Variants in AOPEP observed in about 807,000 individuals in gnomAD.
AOPEP encodes the protein aminopeptidase O (putative).
AOPEP carries 77 observed loss-of-function variants against 98.1 expected under a neutral mutation model. The observed-to-expected ratio is 0.78, with a 90% CI of 0.65 to 0.95. The LOEUF (loss-of-function observed/expected upper bound fraction) is 0.95. Among genes scored for constraint, AOPEP ranks in the 40% least tolerant of loss-of-function variants. The pLI, the probability that AOPEP is intolerant of heterozygous loss-of-function variation, is 0.00. For missense variants in AOPEP, 1,024 were observed against 1,024.7 expected, an observed-to-expected ratio of 1.00 and a Z score of 0.01; for synonymous variants, 346 against 365.3, an observed-to-expected ratio of 0.95 and a Z score of 0.60.
intron 1 of AOPEP, among the ~76,000 whole-genome samples, chr9:94,741,274 T>A (rs1833006049): frequency 6.6e-6 from 1 of 151,916 alleles, no homozygotes; most frequent in African/African-American, 2.4e-5. Context: ...TTTATTTTTT[T>A]ATTTTTTTAT....
At chr9:95,143,806 C>CA in the AOPEP span, among the ~76,000 whole-genome samples, 23 of 152,204 alleles carry the variant, frequency 1.5e-4, no homozygotes, top group African/African-American at 5.5e-4. Context: ...AGGTTTTATG[C>CA]CGTCTTTAGC....
chr9:95,085,071 C>T, intron 16 of AOPEP: 1 of 361,320 alleles, frequency 2.8e-6, no homozygotes, highest in Non-Finnish European at 5.6e-6. Flanking sequence ...AGAAATTATA[C>T]CTCTAGGATG....
chr9:94,842,257 G>A (rs1030293926), intron 5 of AOPEP, among the ~76,000 whole-genome samples: 1 of 152,084 alleles, frequency 6.6e-6, no homozygotes, highest in Non-Finnish European at 1.5e-5. Context: ...AGCTACTCGG[G>A]AGGCTGAGGC....
chr9:94,894,218 A>C (rs1393061572), intron 5 of AOPEP, among the ~76,000 whole-genome samples: 1 of 152,230 alleles, frequency 6.6e-6, no homozygotes, highest in Non-Finnish European at 1.5e-5. Flanking sequence ...ATCAAAGCAG[A>C]TATGAATTAA....
At chr9:94,939,963 T>C (rs1324424856) in intron 7 of AOPEP, among the ~76,000 whole-genome samples, 1 of 152,220 alleles carries the variant, frequency 6.6e-6, no homozygotes, top group Non-Finnish European at 1.5e-5. Flanking sequence ...CAACTATATA[T>C]GAAACATAAA....
At chr9:94,730,437 A>G (rs558569000) in intron 1 of AOPEP, among the ~76,000 whole-genome samples, 19 of 152,150 alleles carry the variant, frequency 1.2e-4, no homozygotes, top group Non-Finnish European at 2.8e-4. Context: ...AGCAGTGATT[A>G]TTTCCACTTC....
chr9:95,041,444 GGGGTGTGTGTGTGTGTGT>G lies in AOPEP; in HGVS notation c.2116-19248_2116-19231del, dbSNP rs1292648958. ...GTATACTGTGTACTCAGAGTCCTTG[GGGGTGTGTGTGTGTGTGT>G]GTGTGTGTGTGTGTGTGTGGAGAGG... On this transcript the variant is annotated intron_variant, in intron 13 of 16. Transcript: ENST00000375315. 4.2e-5 allele frequency among the ~76,000 whole-genome samples: 6 copies of G among 144,412 alleles called. No individual in the cohort carries two copies. The East Asian group carries it at 8.2e-4, about 20-fold the overall frequency. 94.7% of individuals were successfully genotyped at this position (144,412 alleles called of 152,430 possible).
At chr9:95,138,818 T>C in the AOPEP span, among the ~76,000 whole-genome samples, 1 of 152,198 alleles carries the variant, frequency 6.6e-6, no homozygotes, top group Non-Finnish European at 1.5e-5. Flanking sequence ...GCATAGTCAC[T>C]CAAGCACACG....
At chr9:94,819,083 C>G (rs892309541) in intron 5 of AOPEP, among the ~76,000 whole-genome samples, 1 of 152,250 alleles carries the variant, frequency 6.6e-6, no homozygotes, top group African/African-American at 2.4e-5. Flanking sequence ...TTAAACTAGA[C>G]TATCCAAGCC....
chr9:94,843,839 A>T lies in AOPEP; in HGVS notation c.1364+42837A>T, dbSNP rs10121865. Among the ~76,000 whole-genome samples, 17 of 152,172 alleles carry T rather than the reference A, an allele frequency of 1.1e-4. No homozygotes were observed. The East Asian group carries it at 2.9e-3, about 26-fold the overall frequency. The stretch of plus-strand genomic sequence containing the variant: ...ACTTGACTTTTGGTTTCCCTCAAAT[A>T]TACCTTCCCATCATCTCATGTATGC... On this transcript the variant is annotated intron_variant, in intron 5 of 16. Coordinates refer to ENST00000375315, the MANE Select transcript of AOPEP (RefSeq NM_001193329.3).
chr9:94,779,447 A>C (rs1244425850), intron 3 of AOPEP, among the ~76,000 whole-genome samples: 1 of 152,102 alleles, frequency 6.6e-6, no homozygotes. Flanking sequence ...CTTGAGCATT[A>C]TTCTTCTTTT....
At chr9:94,774,464 A>G (rs947068075) in intron 3 of AOPEP, among the ~76,000 whole-genome samples, 1 of 152,082 alleles carries the variant, frequency 6.6e-6, no homozygotes, top group Non-Finnish European at 1.5e-5. Flanking sequence ...TAAAATCTAT[A>G]TGTTTTGTGC....
chr9:95,092,737 C>G, the AOPEP span, among the ~76,000 whole-genome samples: 1 of 152,128 alleles, frequency 6.6e-6, no homozygotes, highest in African/African-American at 2.4e-5. Context: ...GTCCTGAGTT[C>G]CAGAAAGTTC....
chr9:95,074,120 TG>T (rs1050696349), intron 14 of AOPEP, among the ~76,000 whole-genome samples: 2 of 152,186 alleles, frequency 1.3e-5, no homozygotes, highest in African/African-American at 4.8e-5. Context: ...CCAGTGCCTG[TG>T]TGTGTGCTTC....
chr9:94,734,869 C>T (rs147456960), intron 1 of AOPEP, among the ~76,000 whole-genome samples: 3 of 152,244 alleles, frequency 2.0e-5, no homozygotes, highest in African/African-American at 4.8e-5. Context: ...AGTTGAAGGA[C>T]GGAAAAAACA....
the AOPEP span, among the ~76,000 whole-genome samples, chr9:95,144,136 G>T: frequency 3.9e-5 from 6 of 152,144 alleles, no homozygotes; most frequent in African/African-American, 1.2e-4. Context: ...ATCTGGGGAG[G>T]GGGGGCTGGG....
chr9:95,101,708 T>C, the AOPEP span: 1 of 1,613,932 alleles, frequency 6.2e-7, no homozygotes, highest in Non-Finnish European at 8.5e-7. Flanking sequence ...GCGTGCCTTC[T>C]AGACTTGAGT....
intron 5 of AOPEP, chr9:94,900,576 T>G (rs555189755): frequency 6.6e-6 from 1 of 152,340 alleles, no homozygotes; most frequent in African/African-American, 2.4e-5. Context: ...TATCACTGCC[T>G]CTGCCCCATC....
At chr9:94,734,104 G>A (rs1831191409) in intron 1 of AOPEP, among the ~76,000 whole-genome samples, 1 of 152,042 alleles carries the variant, frequency 6.6e-6, no homozygotes, top group Non-Finnish European at 1.5e-5. Flanking sequence ...GCAATCCTCT[G>A]AGTTTATACT....
Sources: allele counts gnomAD v4.1 joint callset (sites outside exome capture counted in the v4.1 genomes callset), GRCh38; gene constraint gnomAD v4.1.1; transcripts MANE v1.5; gene names NCBI Gene and HGNC (gene_info 2026-07-23, HGNC 2026-07-21).